PHACTR1: variants seen among roughly 807,000 people sequenced by gnomAD.
The protein encoded by PHACTR1 is phosphatase and actin regulator 1.
Under a neutral mutation model 69.2 loss-of-function variants are expected in PHACTR1, and 16 were observed. The observed-to-expected ratio is 0.23, with a 90% CI of 0.16 to 0.35. The LOEUF (loss-of-function observed/expected upper bound fraction) is 0.35. PHACTR1 is among the 10% of genes least tolerant of loss of function. PHACTR1 has a pLI of 1.00. For missense variants in PHACTR1, 510 were observed against 734.7 expected (o/e 0.69, Z 3.54); for synonymous variants, 312 against 284.5 (o/e 1.10, Z -0.97).
chr6:12,914,520 A>G (rs568783481), intron 4 of PHACTR1, among the ~76,000 whole-genome samples: 1 of 152,290 alleles, frequency 6.6e-6, no homozygotes, highest in Admixed American at 6.5e-5. Context: ...TGAGTTCTAC[A>G]TTCTTGCCCT....
chr6:13,004,307 A>G (rs990494286), intron 4 of PHACTR1, among the ~76,000 whole-genome samples: 2 of 152,012 alleles, frequency 1.3e-5, no homozygotes, highest in Non-Finnish European at 2.9e-5. Context: ...TTTTCATATT[A>G]ATAATAGCCA....
chr6:12,783,302 A>G (rs1771065138), intron 4 of PHACTR1, among the ~76,000 whole-genome samples: 1 of 152,266 alleles, frequency 6.6e-6, no homozygotes, highest in South Asian at 2.1e-4. Context: ...GCAGATGTAT[A>G]GGAATACACT....
chr6:13,132,786 G>A (rs1398654741), intron 5 of PHACTR1, among the ~76,000 whole-genome samples: 2 of 151,794 alleles, frequency 1.3e-5, no homozygotes, highest in African/African-American at 2.4e-5. Flanking sequence ...TAATCTTCTT[G>A]CTGATGGAGG....
At chr6:13,171,786 G>A (rs1305050335) in intron 6 of PHACTR1, among the ~76,000 whole-genome samples, 1 of 151,622 alleles carries the variant, frequency 6.6e-6, no homozygotes, top group African/African-American at 2.4e-5. Flanking sequence ...TTTTTTTTTA[G>A]ATGGAGTTTC....
At chr6:12,944,700 A>G (rs924739318) in intron 4 of PHACTR1, among the ~76,000 whole-genome samples, 2 of 152,202 alleles carry the variant, frequency 1.3e-5, no homozygotes, top group African/African-American at 4.8e-5. Context: ...GAAGACAGAG[A>G]AAGTTCCCGT....
intron 7 of PHACTR1, among the ~76,000 whole-genome samples, chr6:13,196,206 G>A (rs148452729): frequency 6.6e-6 from 1 of 152,226 alleles, no homozygotes; most frequent in East Asian, 1.9e-4. Flanking sequence ...TAAATATCAT[G>A]CATCAGATAG....
At chr6:12,912,105 C>T (rs1249613002) in intron 4 of PHACTR1, among the ~76,000 whole-genome samples, 1 of 152,162 alleles carries the variant, frequency 6.6e-6, no homozygotes, top group Admixed American at 6.5e-5. Flanking sequence ...TCAAGTGATT[C>T]TCCGGCCTCA....
intron 5 of PHACTR1, among the ~76,000 whole-genome samples, chr6:13,099,567 C>T (rs1331309254): frequency 6.6e-6 from 1 of 152,210 alleles, no homozygotes; most frequent in African/African-American, 2.4e-5. Flanking sequence ...AAATCACTCC[C>T]AGTGGAGATA....
chr6:13,181,043 C>A (rs568522253), intron 6 of PHACTR1, among the ~76,000 whole-genome samples: 24 of 152,130 alleles, frequency 1.6e-4, no homozygotes, highest in Middle Eastern at 3.4e-3. Flanking sequence ...ACACTGTCCG[C>A]TTCAGATGAT....
chr6:12,840,749 C>T (rs1778606525), intron 4 of PHACTR1, among the ~76,000 whole-genome samples: 1 of 152,206 alleles, frequency 6.6e-6, no homozygotes, highest in Admixed American at 6.5e-5. Flanking sequence ...ACACCTCCAC[C>T]CCCAAATTTA....
intron 5 of PHACTR1, among the ~76,000 whole-genome samples, chr6:13,102,878 A>C (rs1815406429): frequency 6.6e-6 from 1 of 152,208 alleles, no homozygotes; most frequent in Admixed American, 6.5e-5. Context: ...CTAACGTGAC[A>C]GACAGACCCC....
chr6:13,228,692 C>G (rs1430264569), intron 9 of PHACTR1, among the ~76,000 whole-genome samples: 1 of 152,190 alleles, frequency 6.6e-6, no homozygotes, highest in Non-Finnish European at 1.5e-5. Context: ...GTGTGCCTGA[C>G]AATGGGCTAC....
intron 4 of PHACTR1, among the ~76,000 whole-genome samples, chr6:12,952,241 C>G (rs1791387629): frequency 6.6e-6 from 1 of 152,148 alleles, no homozygotes; most frequent in Non-Finnish European, 1.5e-5. Flanking sequence ...TCATCATCAC[C>G]CAGAGTCCAC....
intron 4 of PHACTR1, among the ~76,000 whole-genome samples, chr6:12,850,304 A>G (rs1029626434): frequency 6.6e-6 from 1 of 152,234 alleles, no homozygotes; most frequent in Non-Finnish European, 1.5e-5. Context: ...CATTCACCAC[A>G]GATACTGCTG....
intron 10 of PHACTR1, among the ~76,000 whole-genome samples, chr6:13,255,625 A>AC (rs1775076279): frequency 6.6e-6 from 1 of 152,218 alleles, no homozygotes; most frequent in Non-Finnish European, 1.5e-5. Context: ...AAAAAGGGAG[A>AC]TATCAGCCAA....
chr6:13,234,507 G>A (rs1771698756), intron 10 of PHACTR1, among the ~76,000 whole-genome samples: 1 of 151,528 alleles, frequency 6.6e-6, no homozygotes, highest in Non-Finnish European at 1.5e-5. Context: ...TAGCCTGACA[G>A]TTCCAATAAC....
intron 3 of PHACTR1, among the ~76,000 whole-genome samples, chr6:12,738,724 G>A (rs563163534): frequency 1.3e-5 from 2 of 152,188 alleles, no homozygotes; most frequent in South Asian, 2.1e-4. Flanking sequence ...TTAGCCAGAC[G>A]TCATGGTGTG....
intron 5 of PHACTR1, among the ~76,000 whole-genome samples, chr6:13,157,029 T>C (rs916450520): frequency 2.0e-5 from 3 of 152,204 alleles, no homozygotes; most frequent in African/African-American, 7.2e-5. Context: ...CTCAAAGCTG[T>C]TCATTTCTTC....
At chr6:12,744,583 G>C (rs564754444) in intron 3 of PHACTR1, among the ~76,000 whole-genome samples, 1 of 152,062 alleles carries the variant, frequency 6.6e-6, no homozygotes, top group East Asian at 1.9e-4. Flanking sequence ...TATCAGAAAG[G>C]GGTCCCAATC....
Sources: gnomAD v4.1 joint callset for allele counts (sites outside exome capture counted in the v4.1 genomes callset) on GRCh38, gnomAD v4.1.1 for gene constraint, MANE v1.5 for transcripts, NCBI Gene and HGNC (gene_info 2026-07-23, HGNC 2026-07-21) for gene names.